SPATA21: variants seen among roughly 807,000 people sequenced by gnomAD.
The protein encoded by SPATA21 is spermatogenesis-associated protein 21.
Under a neutral mutation model 54.8 loss-of-function variants are expected in SPATA21, and 47 were observed. That is an observed-to-expected ratio of 0.86 (90% CI 0.68 to 1.09). The LOEUF (loss-of-function observed/expected upper bound fraction) is 1.09. Among genes scored for constraint, SPATA21 ranks in the 50% least tolerant of loss-of-function variants. The pLI is 0.00. For synonymous variants in SPATA21, 245 were observed against 235.3 expected (o/e 1.04, Z -0.38); for missense variants, 599 against 596.4 (o/e 1.00, Z -0.05).
rs988797042 is a variant in SPATA21 at position 16,424,145 on chromosome 1, T to A, written c.35-2174A>T. 2.0e-5 allele frequency among the ~76,000 whole-genome samples: 3 copies of A among 146,876 alleles called. No individual in the cohort carries two copies. The East Asian group carries it at 5.9e-4, about 29-fold the overall frequency. ...AATGCCAATTATACCTTACTGAAGC[T>A]GTTAAAAATAAATCTTACCAGGCTG... On this transcript the variant is annotated intron_variant, in intron 3 of 12. Transcript: ENST00000335496.
intron 10 of SPATA21, among the ~76,000 whole-genome samples, chr1:16,402,485 T>A (rs987730652): frequency 6.6e-6 from 1 of 151,630 alleles, no homozygotes; most frequent in Non-Finnish European, 1.5e-5. Context: ...ATGCTCTCGA[T>A]CTCCTGACCT....
At chr1:16,418,871 T>TA (rs1300195710) in intron 5 of SPATA21, among the ~76,000 whole-genome samples, 1 of 152,214 alleles carries the variant, frequency 6.6e-6, no homozygotes, top group African/African-American at 2.4e-5. Flanking sequence ...GACTTCTCAC[T>TA]AGTCTGGAGA....
At chr1:16,434,374 C>T (rs1387633222) in intron 1 of SPATA21, among the ~76,000 whole-genome samples, 1 of 151,592 alleles carries the variant, frequency 6.6e-6, no homozygotes, top group Non-Finnish European at 1.5e-5. Flanking sequence ...TAGCCTCAAA[C>T]TCCTGGGCTC....
intron 3 of SPATA21, among the ~76,000 whole-genome samples, chr1:16,423,412 C>CAAAAAAA (rs1161125061): frequency 1.7e-5 from 1 of 59,146 alleles, no homozygotes; most frequent in African/African-American, 5.1e-5. Flanking sequence ...GACTCCATGT[C>CAAAAAAA]AAAAAAAAAA....
chr1:16,406,595 AG>A (rs1403279678), intron 7 of SPATA21, among the ~76,000 whole-genome samples: 1 of 150,810 alleles, frequency 6.6e-6, no homozygotes, highest in Admixed American at 6.6e-5. Context: ...TTTAGAAATT[AG>A]CCAGCCACAG....
At chr1:16,402,464 T>C (rs906501285) in intron 10 of SPATA21, among the ~76,000 whole-genome samples, 1 of 151,476 alleles carries the variant, frequency 6.6e-6, no homozygotes, top group Non-Finnish European at 1.5e-5. Context: ...GGTTTCACCA[T>C]GTTAGCCAGG....
At chr1:16,405,798 C>T (rs941380954) in intron 7 of SPATA21, among the ~76,000 whole-genome samples, 1 of 152,204 alleles carries the variant, frequency 6.6e-6, no homozygotes, top group Non-Finnish European at 1.5e-5. Context: ...CACAATGCAG[C>T]GATCCTTGCA....
intron 1 of SPATA21, among the ~76,000 whole-genome samples, chr1:16,435,517 A>C (rs1290483783): frequency 1.3e-5 from 2 of 151,880 alleles, no homozygotes; most frequent in Non-Finnish European, 2.9e-5. Context: ...CGGTTTTGCC[A>C]TCTTGACCAG....
At chr1:16,401,128 G>A (rs550724176) in intron 10 of SPATA21, among the ~76,000 whole-genome samples, 14 of 152,298 alleles carry the variant, frequency 9.2e-5, no homozygotes, top group African/African-American at 3.1e-4. Flanking sequence ...CCCTGTCAAT[G>A]CAAGTGACTT....
rs896021531 is a variant in SPATA21, at chr1:16,409,946, A to G, written c.242T>C (p.Phe81Ser). The change falls in exon 6 of 13, where the codon TTC becomes TCC. Residue 81 changes from phenylalanine (F) to serine (S), a missense_variant. Phe to Ser is a radical substitution (Grantham distance 155). Coordinates refer to ENST00000335496, the MANE Select transcript of SPATA21 (RefSeq NM_198546.1). The surrounding 1 kb of genome is among the most constrained non-coding windows in gnomAD (Gnocchi z 4.1). ...CAAGCACTTCATGAAGCCCTGCCGG[A>G]AGTTCCCGAGGCTCTGTGTCCCTGC... ...VAAGTQSLGN[F>S]RQGFMKCLLE... 1.2e-5 allele frequency: 19 copies of G among 1,613,746 alleles called. No homozygotes were observed. The East Asian group carries it at 4.2e-4, about 36-fold the overall frequency.
In SPATA21 at chr1:16,428,195, C is replaced by T. The variant is rs972328142; in HGVS notation, c.34+3143G>A. 3.9e-5 allele frequency among the ~76,000 whole-genome samples: 6 copies of T among 152,216 alleles called. No individual in the cohort carries two copies. The highest frequency in any genetic ancestry group is 3.9e-4 in the East Asian group (2 of 5,126). On this transcript the variant is annotated intron_variant, in intron 3 of 12. Transcript: ENST00000335496. This position sits in a 1 kb window ranked among gnomAD's most constrained non-coding sequence, Gnocchi z 4.3. ...AGCTGAGAGGCAGGGATGCAGGGCC[C>T]GGCCCTGCTGTTGCTGTTGCTTAGC... is the stretch of plus-strand genomic sequence containing the variant.
intron 7 of SPATA21, among the ~76,000 whole-genome samples, chr1:16,407,314 A>G (rs562248667): frequency 6.6e-6 from 1 of 152,284 alleles, no homozygotes; most frequent in Admixed American, 6.5e-5. Flanking sequence ...CGGCCCTTCA[A>G]TTACCAGACA....
chr1:16,426,199 C>T (rs1375494862), intron 3 of SPATA21, among the ~76,000 whole-genome samples: 2 of 152,094 alleles, frequency 1.3e-5, no homozygotes. Flanking sequence ...TCTATCCGAT[C>T]TCACTTTAGT....
chr1:16,422,325 C>T, intron 3 of SPATA21: 2 of 773,962 alleles, frequency 2.6e-6, no homozygotes, highest in South Asian at 3.0e-5. Context: ...CATCATCTTA[C>T]TTAATTCTCC....
downstream of SPATA21, among the ~76,000 whole-genome samples, chr1:16,398,484 T>G (rs2085350137): frequency 6.6e-6 from 1 of 152,288 alleles, no homozygotes; most frequent in East Asian, 1.9e-4. Flanking sequence ...CCTAGCCCTG[T>G]GCTTTGAGAA....
At chr1:16,417,542 G>A (rs756133308) in intron 5 of SPATA21, among the ~76,000 whole-genome samples, 4 of 151,482 alleles carry the variant, frequency 2.6e-5, no homozygotes, top group Admixed American at 6.6e-5. Context: ...AGGTTCAAGC[G>A]ATTCTCTCTT....
At chr1:16,412,714 C>T (rs1185961991) in intron 5 of SPATA21, among the ~76,000 whole-genome samples, 2 of 152,146 alleles carry the variant, frequency 1.3e-5, no homozygotes, top group Admixed American at 6.5e-5. Context: ...CTGCCTGCCT[C>T]GGCCTCCCAA....
intron 5 of SPATA21, among the ~76,000 whole-genome samples, chr1:16,411,178 TATC>T (rs1169017066): frequency 3.3e-5 from 5 of 151,996 alleles, no homozygotes; most frequent in African/African-American, 1.2e-4. Flanking sequence ...GTAAATATAT[TATC>T]ATCTTCCCTC....
intron 3 of SPATA21, among the ~76,000 whole-genome samples, chr1:16,426,763 A>G (rs2086336920): frequency 6.6e-6 from 1 of 151,520 alleles, no homozygotes; most frequent in Non-Finnish European, 1.5e-5. Context: ...TATTTTTAGT[A>G]GAGATGGGGT....
Sources: gnomAD v4.1 joint callset for allele counts (sites outside exome capture counted in the v4.1 genomes callset) on GRCh38, gnomAD v4.1.1 for gene constraint, Gnocchi (gnomAD v3.1) non-coding constraint, MANE v1.5 for transcripts, NCBI Gene and HGNC (gene_info 2026-07-23, HGNC 2026-07-21) for gene names.